The following GOPC variants were observed in gnomAD, a reference collection of about 807,000 sequenced individuals.
GOPC encodes Golgi-associated PDZ and coiled-coil motif-containing protein.
Under a neutral mutation model 51.2 loss-of-function variants are expected in GOPC, and 32 were observed. That is an observed-to-expected ratio of 0.63 (90% CI 0.47 to 0.84). GOPC has a LOEUF of 0.84. Among genes scored for constraint, GOPC ranks in the 40% least tolerant of loss-of-function variants. The pLI, the probability that GOPC is intolerant of heterozygous loss-of-function variation, is 0.00. For synonymous variants in GOPC, 190 were observed against 205.1 expected, an observed-to-expected ratio of 0.93 and a Z score of 0.63; for missense variants, 441 against 555.5, an observed-to-expected ratio of 0.79 and a Z score of 2.07.
Position 117,602,321 on chromosome 6 carries a change from G to A in GOPC, c.-33C>T. On this transcript the variant is annotated 5_prime_UTR_variant, in exon 1 of 9. Coordinates refer to ENST00000368498, the MANE Select transcript of GOPC (RefSeq NM_020399.4). The stretch of plus-strand genomic sequence containing the variant: ...TCAAGGGCCTCTCCCGACTGCTGAA[G>A]ACCCTCGCCGCCCCCCGCGCACGAA... 1.3e-6 allele frequency: 2 copies of A among 1,531,470 alleles called. No individual in the cohort carries two copies. Among genetic ancestry groups the A allele is most frequent in the Non-Finnish European group, 1.7e-6 (2 of 1,148,768 alleles). The allele number at this position is 1,531,470 out of a possible 1,614,324, so 94.9% of individuals were successfully genotyped here.
rs537620549 is a variant in GOPC at position 117,562,172 on chromosome 6, C to T, written c.*1082G>A. ...CAGACCTAACAAATTTATAAACCTG[C>T]ATATGAAGAGAGCTTTAGTCAAACA... On this transcript the variant is annotated 3_prime_UTR_variant, in exon 9 of 9. Coordinates refer to ENST00000368498, the MANE Select transcript of GOPC (RefSeq NM_020399.4). 33 of 207,200 alleles carry T rather than the reference C, an allele frequency of 1.6e-4. No homozygotes were observed. Among genetic ancestry groups the T allele is most frequent in the African/African-American group, 7.5e-4 (33 of 44,016 alleles). 12.8% of individuals were successfully genotyped at this position (207,200 alleles called of 1,614,324 possible).
chr6:117,575,533 G>T, intron 3 of GOPC, 181 bp from the exon 4 acceptor site: 1 of 760,674 alleles, frequency 1.3e-6, no homozygotes, highest in South Asian at 1.4e-5. Flanking sequence ...ACTACTTCTA[G>T]ATAAAATAAT....
intron 1 of GOPC, among the ~76,000 whole-genome samples, chr6:117,598,629 G>T (rs1469832978): frequency 6.6e-6 from 1 of 152,300 alleles, no homozygotes; most frequent in East Asian, 1.9e-4. Context: ...AACAGGAACA[G>T]GATTTGTGCT....
At chr6:117,585,157 G>A (rs1780011835) in intron 1 of GOPC, among the ~76,000 whole-genome samples, 1 of 152,082 alleles carries the variant, frequency 6.6e-6, no homozygotes, top group Non-Finnish European at 1.5e-5. Flanking sequence ...ACTCTCTGGA[G>A]GTCAGGCACC....
chr6:117,586,946 CCTCT>C (rs1361479868), intron 1 of GOPC, among the ~76,000 whole-genome samples: 5 of 152,086 alleles, frequency 3.3e-5, no homozygotes, highest in African/African-American at 1.2e-4. Flanking sequence ...AAAAAATCTC[CCTCT>C]ATTTTTTCTT....
In GOPC at chr6:117,594,585, C is replaced by T. The variant is rs544419676; in HGVS notation, c.285+7419G>A. Among the ~76,000 whole-genome samples, 33 of 152,272 alleles carry T rather than the reference C, an allele frequency of 2.2e-4. 1 individual carries two copies. Among genetic ancestry groups the T allele is most frequent in the African/African-American group, 6.0e-4 (25 of 41,558 alleles). ...CCAATACAGCATCTGGCACATAATT[C>T]GTGTTCATAAGTGCGTACTGGATCA... On this transcript the variant is annotated intron_variant, in intron 1 of 8. Coordinates refer to ENST00000368498, the MANE Select transcript of GOPC (RefSeq NM_020399.4).
chr6:117,582,351 G>A (rs547618486), intron 1 of GOPC, among the ~76,000 whole-genome samples: 5 of 150,124 alleles, frequency 3.3e-5, no homozygotes, highest in African/African-American at 1.2e-4. Context: ...GGCAGATGGG[G>A]GTGTGTCCTC....
intron 1 of GOPC, among the ~76,000 whole-genome samples, chr6:117,593,270 CAG>C (rs1780145999): frequency 6.6e-6 from 1 of 152,182 alleles, no homozygotes; most frequent in South Asian, 2.1e-4. Flanking sequence ...AGCCATCAGA[CAG>C]AAACTTCCAC....
At position 117,560,660 on chromosome 6, in the gene GOPC, A is replaced by G. The variant is rs1436906947; in HGVS notation, c.*2594T>C. ...CGTCTTTCTCAAATTTATTTTAACA[A>G]TAGTCTCACCACCAAAATGTTGCTT... On this transcript the variant is annotated 3_prime_UTR_variant, in exon 9 of 9. Transcript: ENST00000368498. The G allele has an allele frequency of 2.0e-5, 4 of 196,386 alleles. No homozygotes were observed. The highest frequency in any genetic ancestry group is 4.2e-5 in the Non-Finnish European group (4 of 94,410). 12.2% of individuals were successfully genotyped at this position (196,386 alleles called of 1,614,324 possible).
At chr6:117,593,880 C>T (rs187887719) in intron 1 of GOPC, among the ~76,000 whole-genome samples, 5 of 151,838 alleles carry the variant, frequency 3.3e-5, no homozygotes, top group Admixed American at 2.6e-4. Flanking sequence ...TTTATTTTTA[C>T]CTCTCCAGTT....
Position 117,575,170 on chromosome 6 carries a change from T to A in GOPC, c.650+7A>T. 3.8e-6 allele frequency: 6 copies of A among 1,587,064 alleles called. No individual in the cohort carries two copies. The highest frequency in any genetic ancestry group is 5.1e-6 in the Non-Finnish European group (6 of 1,170,876). On this transcript the variant is annotated splice_region_variant and intron_variant, in intron 4 of 8. Coordinates refer to ENST00000368498, the MANE Select transcript of GOPC (RefSeq NM_020399.4). ...TAAGAGTACAATAATACCCATTTTT[T>A]ACACACCTTCCTGCCAGTTCCTTAT...
intron 1 of GOPC, among the ~76,000 whole-genome samples, chr6:117,601,777 G>A (rs1015692552): frequency 2.0e-5 from 3 of 152,108 alleles, no homozygotes; most frequent in Admixed American, 6.5e-5. Flanking sequence ...TTCCTCCTCA[G>A]AGAGATACTA....
intron 1 of GOPC, among the ~76,000 whole-genome samples, chr6:117,581,107 A>G (rs1779950674): frequency 2.0e-5 from 3 of 152,186 alleles, no homozygotes; most frequent in Admixed American, 2.0e-4. Context: ...GAAATATTCC[A>G]CAGAATGTAG....
intron 1 of GOPC, among the ~76,000 whole-genome samples, chr6:117,594,298 G>A (rs1299903998): frequency 6.6e-6 from 1 of 152,106 alleles, no homozygotes; most frequent in Non-Finnish European, 1.5e-5. Context: ...ATGTTGAATG[G>A]CATTCCTATT....
chr6:117,586,253 A>G (rs936776712), intron 1 of GOPC, among the ~76,000 whole-genome samples: 4 of 152,116 alleles, frequency 2.6e-5, no homozygotes, highest in Non-Finnish European at 5.9e-5. Context: ...AAAAATAAAA[A>G]TCATATAGAG....
chr6:117,583,280 A>G (rs1583059302), intron 1 of GOPC, among the ~76,000 whole-genome samples: 1 of 152,372 alleles, frequency 6.6e-6, no homozygotes, highest in African/African-American at 2.4e-5. Context: ...CCCTGTCGTG[A>G]GTACCATGAA....
chr6:117,601,771 T>C (rs1202666633), intron 1 of GOPC, among the ~76,000 whole-genome samples: 1 of 152,166 alleles, frequency 6.6e-6, no homozygotes, highest in Non-Finnish European at 1.5e-5. Flanking sequence ...ATTAGTTTCC[T>C]CCTCAGAGAG....
At chr6:117,577,354 C>A in intron 3 of GOPC, 94 bp downstream of exon 3, 1 of 1,183,488 alleles carries the variant, frequency 8.4e-7, no homozygotes, top group Non-Finnish European at 1.2e-6. Context: ...ATGCTATTTT[C>A]AAATACAATG....
At chr6:117,590,834 ATTTTGTTTTG>A (rs56012071) in intron 1 of GOPC, among the ~76,000 whole-genome samples, 57 of 150,918 alleles carry the variant, frequency 3.8e-4, no homozygotes, top group South Asian at 1.9e-3. Flanking sequence ...TCAGTTCCAA[ATTTTGTTTTG>A]TTTTGTTTTG....
Sources: gnomAD v4.1 joint callset for allele counts (sites outside exome capture counted in the v4.1 genomes callset) on GRCh38, gnomAD v4.1.1 for gene constraint, MANE v1.5 for transcripts, NCBI Gene and HGNC (gene_info 2026-07-23, HGNC 2026-07-21) for gene names.